Variants in TMEM135 observed in about 807,000 individuals in gnomAD.
TMEM135 encodes transmembrane protein 135.
TMEM135 carries 30 observed loss-of-function variants against 60.3 expected under a neutral mutation model. That is an observed-to-expected ratio of 0.50 (90% confidence interval 0.37 to 0.68). The LOEUF (loss-of-function observed/expected upper bound fraction) is 0.68. Among genes scored for constraint, TMEM135 ranks in the 30% least tolerant of loss-of-function variants. The pLI is 0.00. For missense variants in TMEM135, 468 were observed against 548.8 expected (o/e 0.85, Z 1.47); for synonymous variants, 190 against 186.7 (o/e 1.02, Z -0.14).
chr11:87,260,563 A>G (rs753501393), intron 6 of TMEM135, among the ~76,000 whole-genome samples: 2 of 151,940 alleles, frequency 1.3e-5, no homozygotes, highest in Non-Finnish European at 2.9e-5. Context: ...CATCCCTTTT[A>G]ATTTTCTGTT....
intron 12 of TMEM135, among the ~76,000 whole-genome samples, chr11:87,314,827 C>A (rs906307903): frequency 1.7e-4 from 26 of 151,704 alleles, no homozygotes; most frequent in African/African-American, 9.7e-5. Flanking sequence ...CTCCTCAACC[C>A]CACAGGTATC....
chr11:87,039,178 G>A (rs1285305227), intron 1 of TMEM135, among the ~76,000 whole-genome samples: 1 of 152,190 alleles, frequency 6.6e-6, no homozygotes, highest in African/African-American at 2.4e-5. Flanking sequence ...TGTCATGGCT[G>A]TATCTGTAGT....
intron 1 of TMEM135, among the ~76,000 whole-genome samples, chr11:87,039,936 TCTC>T (rs1447505451): frequency 6.6e-6 from 1 of 152,202 alleles, no homozygotes; most frequent in East Asian, 1.9e-4. Context: ...AAACATAGGT[TCTC>T]CTACTCCAAC....
intron 3 of TMEM135, among the ~76,000 whole-genome samples, chr11:87,074,777 T>G (rs567111988): frequency 6.6e-6 from 1 of 152,322 alleles, no homozygotes; most frequent in East Asian, 1.9e-4. Flanking sequence ...AAGGATATTT[T>G]TCTACAGAAT....
chr11:87,242,864 C>A (rs1941171390), intron 6 of TMEM135, among the ~76,000 whole-genome samples: 1 of 147,518 alleles, frequency 6.8e-6, no homozygotes, highest in Non-Finnish European at 1.5e-5. Flanking sequence ...TAATGAGATC[C>A]CATTTGTCAA....
chr11:87,102,943 C>T (rs182946447), intron 4 of TMEM135, among the ~76,000 whole-genome samples: 40 of 152,120 alleles, frequency 2.6e-4, no homozygotes, highest in Non-Finnish European at 2.2e-4. Context: ...ACCCCCTCTT[C>T]CCTTGGGCTC....
At chr11:87,080,415 T>C (rs537546469) in intron 3 of TMEM135, among the ~76,000 whole-genome samples, 40 of 152,270 alleles carry the variant, frequency 2.6e-4, no homozygotes, top group African/African-American at 9.4e-4. Context: ...TCTCTCCTTG[T>C]TGAGAACTAC....
At position 87,328,498 on chromosome 11, in the gene TMEM135, T is replaced by G; in HGVS notation, c.*7165T>G. On this transcript the variant is annotated 3_prime_UTR_variant, in exon 15 of 15. Coordinates refer to ENST00000305494, the MANE Select transcript of TMEM135 (RefSeq NM_022918.4). ...TTGTACCCAATATATAGCTTTTTAT[T>G]CCTTCCCCTTCTGAGTCTCCATAGT... 2.2e-6 allele frequency: 1 copy of G among 454,068 alleles called. No individual in the cohort carries two copies. The highest frequency in any genetic ancestry group is 4.4e-6 in the Non-Finnish European group (1 of 226,782). The allele number at this position is 454,068 out of a possible 1,614,324, so 28.1% of individuals were successfully genotyped here.
At chr11:87,047,586 C>CT (rs1555095698) in intron 1 of TMEM135, among the ~76,000 whole-genome samples, 6 of 117,870 alleles carry the variant, frequency 5.1e-5, no homozygotes, top group Admixed American at 8.5e-5. Flanking sequence ...TCACTCCCAC[C>CT]GAATATTGCG....
chr11:87,113,435 G>A (rs1392318752), intron 4 of TMEM135, among the ~76,000 whole-genome samples: 2 of 152,000 alleles, frequency 1.3e-5, no homozygotes, highest in South Asian at 2.1e-4. Flanking sequence ...TGATTGATGA[G>A]TTTAATAATT....
At chr11:87,289,118 C>T (rs1942218459) in intron 6 of TMEM135, among the ~76,000 whole-genome samples, 1 of 152,172 alleles carries the variant, frequency 6.6e-6, no homozygotes, top group African/African-American at 2.4e-5. Flanking sequence ...ATATTGTCTG[C>T]ACCTTCTTCT....
chr11:87,251,308 A>C (rs1941411268), intron 6 of TMEM135, among the ~76,000 whole-genome samples: 1 of 152,134 alleles, frequency 6.6e-6, no homozygotes, highest in Non-Finnish European at 1.5e-5. Flanking sequence ...GAGAATCTTG[A>C]TGTTTGAAGC....
intron 6 of TMEM135, chr11:87,277,530 T>G (rs894731415): frequency 4.8e-5 from 3 of 63,140 alleles, no homozygotes; most frequent in African/African-American, 1.4e-4. Flanking sequence ...TTGTTTTTTG[T>G]TTTTTTTTGA....
intron 1 of TMEM135, among the ~76,000 whole-genome samples, chr11:87,053,842 A>G (rs1949866082): frequency 6.6e-6 from 1 of 152,134 alleles, no homozygotes; most frequent in African/African-American, 2.4e-5. Flanking sequence ...CCTTTTAATT[A>G]CTCACTAATC....
chr11:87,149,340 A>G (rs1938493508), intron 4 of TMEM135, among the ~76,000 whole-genome samples: 1 of 151,670 alleles, frequency 6.6e-6, no homozygotes, highest in Non-Finnish European at 1.5e-5. Flanking sequence ...GTGTTCCTAT[A>G]CTCTCACCCC....
chr11:87,220,657 G>A (rs757557124), intron 5 of TMEM135, among the ~76,000 whole-genome samples: 3 of 152,258 alleles, frequency 2.0e-5, no homozygotes, highest in South Asian at 4.1e-4. Flanking sequence ...CAGAGAGAAT[G>A]TTCTACATGT....
chr11:87,324,028 C>CT lies in TMEM135; in HGVS notation c.*2699dup. On this transcript the variant is annotated 3_prime_UTR_variant, in exon 15 of 15. Transcript: ENST00000305494. ...TTTGGCTCTCAGATTTTATAATGAA[C>CT]TTTTATTAGACTGAACATGTATGTT... 6.6e-6 allele frequency: 3 copies of CT among 453,804 alleles called. No homozygotes were observed. Among genetic ancestry groups the CT allele is most frequent in the South Asian group, 4.7e-5 (3 of 64,400 alleles). The allele number at this position is 453,804 out of a possible 1,614,324, so 28.1% of individuals were successfully genotyped here.
chr11:87,179,196 T>C (rs980618571), intron 5 of TMEM135, among the ~76,000 whole-genome samples: 1 of 152,218 alleles, frequency 6.6e-6, no homozygotes, highest in Non-Finnish European at 1.5e-5. Flanking sequence ...TAAATTTTCT[T>C]GCCCTTTTTT....
chr11:87,314,615 C>G, intron 12 of TMEM135, 68 bp downstream of exon 12: 2 of 1,289,856 alleles, frequency 1.6e-6, no homozygotes, highest in Non-Finnish European at 2.2e-6. Flanking sequence ...ACTGTTTTAG[C>G]AGCAAATGTA....
Sources: allele counts gnomAD v4.1 joint callset (sites outside exome capture counted in the v4.1 genomes callset), GRCh38; gene constraint gnomAD v4.1.1; transcripts MANE v1.5; gene names NCBI Gene and HGNC (gene_info 2026-07-23, HGNC 2026-07-21).